The following FBXW11 variants were observed in gnomAD, a reference collection of about 807,000 sequenced individuals.
FBXW11 encodes the protein F-box and WD repeat domain containing 11.
Under a neutral mutation model 77.6 loss-of-function variants are expected in FBXW11, and 19 were observed. The ratio of observed to expected loss-of-function variants is 0.24; its 90% confidence interval spans 0.17 to 0.36. FBXW11 has a LOEUF of 0.36. Among genes scored for constraint, FBXW11 ranks in the 10% least tolerant of loss-of-function variants. The probability of loss-of-function intolerance (pLI) is 1.00; values close to 1 mark genes in which losing one functional copy is unlikely to be tolerated. For synonymous variants in FBXW11, 235 were observed against 249.4 expected, an observed-to-expected ratio of 0.94 and a Z score of 0.54; for missense variants, 334 against 704.2, an observed-to-expected ratio of 0.47 and a Z score of 5.95.
intron 1 of FBXW11, among the ~76,000 whole-genome samples, chr5:171,975,150 G>A (rs1421068944): frequency 1.3e-5 from 2 of 152,120 alleles, no homozygotes; most frequent in African/African-American, 4.8e-5. Flanking sequence ...TTAAATGGCT[G>A]GAGAGGTACA....
At chr5:171,943,246 T>A (rs1205512891) in intron 2 of FBXW11, among the ~76,000 whole-genome samples, 1 of 152,332 alleles carries the variant, frequency 6.6e-6, no homozygotes, top group East Asian at 1.9e-4. Flanking sequence ...GCATGGGACA[T>A]AGTAGGACTC....
chr5:171,978,905 A>G (rs1581064921), intron 1 of FBXW11, among the ~76,000 whole-genome samples: 1 of 152,196 alleles, frequency 6.6e-6, no homozygotes, highest in East Asian at 1.9e-4. Flanking sequence ...TAGTAACTTA[A>G]ATCTTTAAAT....
At chr5:171,871,029 A>C (rs1358495553) in intron 10 of FBXW11, among the ~76,000 whole-genome samples, 171 bp from the exon 11 acceptor site, 1 of 152,206 alleles carries the variant, frequency 6.6e-6, no homozygotes, top group African/African-American at 2.4e-5. Context: ...GTGTACATTT[A>C]TACCATCTGT....
intron 2 of FBXW11, among the ~76,000 whole-genome samples, chr5:171,920,752 T>C (rs888609096): frequency 1.3e-5 from 2 of 152,074 alleles, no homozygotes. Flanking sequence ...AAAATACATA[T>C]AGTGTGTTTT....
At chr5:171,952,447 ATTT>A (rs1164383563) in intron 2 of FBXW11, among the ~76,000 whole-genome samples, 5 of 6,942 alleles carry the variant, frequency 7.2e-4, no homozygotes, top group African/African-American at 1.4e-3. Context: ...ATATATATAT[ATTT>A]TTTTTTTTTT....
chr5:171,971,648 T>C (rs1764538954), intron 1 of FBXW11, among the ~76,000 whole-genome samples: 1 of 152,036 alleles, frequency 6.6e-6, no homozygotes, highest in Non-Finnish European at 1.5e-5. Flanking sequence ...AAAAATTTAT[T>C]ACATTTTTGA....
chr5:171,919,326 T>C (rs1761439808), intron 2 of FBXW11, among the ~76,000 whole-genome samples: 1 of 152,184 alleles, frequency 6.6e-6, no homozygotes, highest in South Asian at 2.1e-4. Flanking sequence ...ATCATTGCTA[T>C]GGCAAAATGA....
chr5:172,003,664 A>G (rs1193067500), intron 1 of FBXW11, among the ~76,000 whole-genome samples: 1 of 152,182 alleles, frequency 6.6e-6, no homozygotes, highest in Non-Finnish European at 1.5e-5. Context: ...TCAGGAGGAG[A>G]AGCAACCTGG....
intron 2 of FBXW11, among the ~76,000 whole-genome samples, chr5:171,930,817 TA>T (rs1447298125): frequency 1.4e-5 from 2 of 146,970 alleles, no homozygotes; most frequent in African/African-American, 5.0e-5. Flanking sequence ...CTGGAACTCA[TA>T]AGTGATTATG....
Position 172,006,579 on chromosome 5 carries a change from G to A in FBXW11, c.-77C>T. ...GGGCGGAGGAGGCGACGGCGGAGGC[G>A]GCAGAGGCGGAGGCGGCTATCGCAC... On this transcript the variant is annotated 5_prime_UTR_variant, in exon 1 of 14. Transcript: ENST00000517395. The A allele has an allele frequency of 7.0e-7, 1 of 1,420,284 alleles. No homozygotes were observed. Among genetic ancestry groups the A allele is most frequent in the Non-Finnish European group, 9.2e-7 (1 of 1,084,870 alleles). The allele number at this position is 1,420,284 out of a possible 1,614,324, so 88.0% of individuals were successfully genotyped here. A position where few individuals can be genotyped will look rare whatever the true frequency, so the allele number is the denominator to read the frequency against.
At chr5:171,905,110 TTGTC>T (rs1760388461) in intron 4 of FBXW11, among the ~76,000 whole-genome samples, 1 of 152,188 alleles carries the variant, frequency 6.6e-6, no homozygotes, top group South Asian at 2.1e-4. Context: ...CCTATTTCCT[TTGTC>T]TGATACTTTA....
intron 4 of FBXW11, among the ~76,000 whole-genome samples, chr5:171,907,466 G>C (rs1760602397): frequency 6.6e-6 from 1 of 152,086 alleles, no homozygotes; most frequent in African/African-American, 2.4e-5. Flanking sequence ...TGTTTCTCCT[G>C]TGATGCTCTT....
intron 2 of FBXW11, among the ~76,000 whole-genome samples, chr5:171,927,078 G>C (rs1761930629): frequency 6.6e-6 from 1 of 152,060 alleles, no homozygotes; most frequent in African/African-American, 2.4e-5. Flanking sequence ...AAGCAGTAAA[G>C]CTTTTAGAAG....
intron 6 of FBXW11, among the ~76,000 whole-genome samples, chr5:171,893,551 A>T (rs1759533052): frequency 6.6e-6 from 1 of 151,796 alleles, no homozygotes; most frequent in Admixed American, 6.6e-5. Flanking sequence ...TCTTAAGCAG[A>T]ACTCAACGCA....
intron 1 of FBXW11, among the ~76,000 whole-genome samples, chr5:172,000,380 T>C (rs184927547): frequency 6.3e-4 from 96 of 152,326 alleles, no homozygotes; most frequent in African/African-American, 2.2e-3. Context: ...TAGGACTGGG[T>C]GGGTTCTCTC....
rs147636716 is a variant in FBXW11 at position 171,974,366 on chromosome 5, G to T, written c.46-16668C>A. 9.1e-3 allele frequency among the ~76,000 whole-genome samples: 1,361 copies of T among 149,270 alleles called. 9 individuals carry two copies. The highest frequency in any genetic ancestry group is 0.016 in the Non-Finnish European group (1,050 of 67,122). On this transcript the variant is annotated intron_variant, in intron 1 of 13. Transcript: ENST00000517395. ...GGAGAATCACTGGAACCCAGGAGGCGGAGGTTATGGTGAGCCGAGATCACA... is the reference window on the plus strand; with the variant it reads ...GGAGAATCACTGGAACCCAGGAGGCTGAGGTTATGGTGAGCCGAGATCACA...
intron 1 of FBXW11, among the ~76,000 whole-genome samples, chr5:171,993,550 T>G (rs1157381063): frequency 6.6e-6 from 1 of 151,884 alleles, no homozygotes; most frequent in South Asian, 2.1e-4. Context: ...GAGGCGGAGG[T>G]TGCAGTGAGC....
intron 1 of FBXW11, chr5:171,977,569 A>G (rs1327631504): frequency 2.2e-6 from 1 of 450,836 alleles, no homozygotes. Context: ...AGTCCGTTTC[A>G]TGCTGCCAAT....
At chr5:171,977,390 G>C (rs1018034869) in intron 1 of FBXW11, among the ~76,000 whole-genome samples, 1 of 151,716 alleles carries the variant, frequency 6.6e-6, no homozygotes, top group Non-Finnish European at 1.5e-5. Context: ...AAATTACCCA[G>C]TCTCAGGTAT....
Sources: allele counts gnomAD v4.1 joint callset (sites outside exome capture counted in the v4.1 genomes callset), GRCh38; gene constraint gnomAD v4.1.1; transcripts MANE v1.5; gene names NCBI Gene and HGNC (gene_info 2026-07-23, HGNC 2026-07-21).